LYPD6B: variants seen among roughly 807,000 people sequenced by gnomAD.
The protein encoded by LYPD6B is LY6/PLAUR domain containing 6B, also known as ly6/PLAUR domain-containing protein 6B.
Under a neutral mutation model 22.8 loss-of-function variants are expected in LYPD6B, and 17 were observed. The observed-to-expected ratio is 0.75, with a 90% CI of 0.51 to 1.12. The LOEUF is 1.12. LYPD6B is among the 50% of genes most tolerant of loss of function. The pLI, the probability that LYPD6B is intolerant of heterozygous loss-of-function variation, is 0.00. For missense variants in LYPD6B, 221 were observed against 258.3 expected (o/e 0.86, Z 0.99); for synonymous variants, 106 against 91.6 (o/e 1.16, Z -0.90).
intron 3 of LYPD6B, among the ~76,000 whole-genome samples, chr2:149,199,438 G>T (rs923799466): frequency 1.3e-5 from 2 of 152,110 alleles, no homozygotes; most frequent in Non-Finnish European, 2.9e-5. Context: ...AATAATTTTT[G>T]AGCGCACAAG....
intron 3 of LYPD6B, among the ~76,000 whole-genome samples, chr2:149,172,787 C>T (rs1296119539): frequency 1.3e-5 from 2 of 151,986 alleles, no homozygotes; most frequent in Non-Finnish European, 2.9e-5. Flanking sequence ...ATTGAATTAG[C>T]TCTCTCTGCC....
chr2:149,141,662 A>T (rs567889958), intron 2 of LYPD6B, among the ~76,000 whole-genome samples: 1 of 152,126 alleles, frequency 6.6e-6, no homozygotes, highest in African/African-American at 2.4e-5. Context: ...GTTTTCTCTT[A>T]TTCTTCTTTT....
At chr2:149,159,592 G>A (rs1347691854) in intron 2 of LYPD6B, among the ~76,000 whole-genome samples, 1 of 29,746 alleles carries the variant, frequency 3.4e-5, no homozygotes, top group Admixed American at 2.9e-4. Flanking sequence ...ATGTGTGCGT[G>A]TGTGTGTGTG....
intron 1 of LYPD6B, among the ~76,000 whole-genome samples, chr2:149,048,503 G>C (rs1213018468): frequency 6.6e-6 from 1 of 152,174 alleles, no homozygotes; most frequent in Non-Finnish European, 1.5e-5. Context: ...AACTCTCCCA[G>C]TGGTAGTCCA....
At chr2:149,127,292 A>G (rs1458222830) in intron 1 of LYPD6B, among the ~76,000 whole-genome samples, 1 of 152,144 alleles carries the variant, frequency 6.6e-6, no homozygotes, top group East Asian at 1.9e-4. Flanking sequence ...GTGTGAGCTT[A>G]TATTTGATAA....
intron 1 of LYPD6B, among the ~76,000 whole-genome samples, chr2:149,120,379 A>ATTTTTTTTTT (rs1371894805): frequency 4.6e-5 from 2 of 43,688 alleles, no homozygotes; most frequent in African/African-American, 2.5e-4. Context: ...ATATATATAT[A>ATTTTTTTTTT]TATATTTTTT....
chr2:149,194,687 G>A (rs1692698244), intron 3 of LYPD6B, among the ~76,000 whole-genome samples: 1 of 152,170 alleles, frequency 6.6e-6, no homozygotes, highest in South Asian at 2.1e-4. Flanking sequence ...CTTTCCATCT[G>A]CCAGTCTACC....
chr2:149,191,647 C>A (rs1272295900), intron 3 of LYPD6B, among the ~76,000 whole-genome samples: 1 of 152,026 alleles, frequency 6.6e-6, no homozygotes, highest in Non-Finnish European at 1.5e-5. Context: ...TTACCTACTC[C>A]AACTCATACT....
intron 3 of LYPD6B, among the ~76,000 whole-genome samples, chr2:149,163,486 G>A (rs1010747576): frequency 6.6e-5 from 10 of 152,178 alleles, no homozygotes; most frequent in Admixed American, 4.6e-4. Context: ...TACCGGGCTT[G>A]TGTAAGAACC....
At chr2:149,169,170 C>T (rs1229434758) in intron 3 of LYPD6B, among the ~76,000 whole-genome samples, 1 of 152,072 alleles carries the variant, frequency 6.6e-6, no homozygotes, top group Non-Finnish European at 1.5e-5. Flanking sequence ...CATGGACCCG[C>T]TCTTGGGGGT....
At chr2:149,040,149 C>T (rs1683007312) in intron 1 of LYPD6B, among the ~76,000 whole-genome samples, 1 of 151,796 alleles carries the variant, frequency 6.6e-6, no homozygotes, top group South Asian at 2.1e-4. Context: ...GAGACAGAGA[C>T]AAAGAGGGAG....
intron 1 of LYPD6B, among the ~76,000 whole-genome samples, chr2:149,054,008 T>C (rs1683678948): frequency 6.6e-6 from 1 of 152,260 alleles, no homozygotes; most frequent in Non-Finnish European, 1.5e-5. Flanking sequence ...TATCAGTTGA[T>C]GGACATTTGG....
intron 1 of LYPD6B, among the ~76,000 whole-genome samples, chr2:149,117,415 C>T (rs964551197): frequency 3.5e-4 from 53 of 152,000 alleles, no homozygotes; most frequent in African/African-American, 1.2e-3. Flanking sequence ...GGGCTACAGG[C>T]GAGCACCACC....
chr2:149,125,847 T>C (rs13004373), intron 1 of LYPD6B, among the ~76,000 whole-genome samples: 2,705 of 152,318 alleles, frequency 0.018, 46 homozygotes, highest in Non-Finnish European at 0.027. Context: ...TCCTCCTTCC[T>C]AAAGTAAGGT....
intron 2 of LYPD6B, among the ~76,000 whole-genome samples, chr2:149,134,281 C>T (rs1258452907): frequency 6.6e-6 from 1 of 152,180 alleles, no homozygotes; most frequent in African/African-American, 2.4e-5. Flanking sequence ...TGGCTATTCT[C>T]ATTTTAACCA....
chr2:149,084,814 A>G (rs1471650), intron 1 of LYPD6B, among the ~76,000 whole-genome samples: 90,426 of 151,966 alleles, frequency 0.6, 28,132 homozygotes, highest in Admixed American at 0.68. Flanking sequence ...CACCTTTCCC[A>G]TAGACTCTTA....
chr2:149,207,020 C>A (rs1027506318), intron 4 of LYPD6B, among the ~76,000 whole-genome samples: 32 of 152,056 alleles, frequency 2.1e-4, no homozygotes, highest in African/African-American at 7.7e-4. Flanking sequence ...TGGCTAATGA[C>A]CTTAGAATAG....
intron 1 of LYPD6B, among the ~76,000 whole-genome samples, chr2:149,106,141 C>T (rs1188973286): frequency 4.0e-5 from 6 of 151,864 alleles, no homozygotes; most frequent in Non-Finnish European, 8.8e-5. Flanking sequence ...TGTAGTAAAA[C>T]CTATGTGTTC....
chr2:149,127,677 A>G (rs894958936), intron 1 of LYPD6B, among the ~76,000 whole-genome samples: 2 of 152,114 alleles, frequency 1.3e-5, no homozygotes, highest in African/African-American at 2.4e-5. Flanking sequence ...TAAATGCATT[A>G]TAAGATTGTT....
Sources: allele counts gnomAD v4.1 joint callset (sites outside exome capture counted in the v4.1 genomes callset), GRCh38; gene constraint gnomAD v4.1.1; transcripts MANE v1.5; gene names NCBI Gene and HGNC (gene_info 2026-07-23, HGNC 2026-07-21).